NLRP8: variants seen among roughly 807,000 people sequenced by gnomAD.
NLRP8 encodes the protein NACHT, LRR and PYD domains-containing protein 8.
NLRP8 carries 86 observed loss-of-function variants against 88.7 expected under a neutral mutation model. That is an observed-to-expected ratio of 0.97 (90% CI 0.81 to 1.16). The LOEUF is 1.16. NLRP8 is among the 50% of genes most tolerant of loss of function. The probability of loss-of-function intolerance (pLI) is 0.00; values close to 1 mark genes in which losing one functional copy is unlikely to be tolerated. For missense variants in NLRP8, 1,342 were observed against 1,286.5 expected (o/e 1.04, Z -0.66); for synonymous variants, 504 against 494.6 (o/e 1.02, Z -0.25).
At chr19:55,980,539 G>A (rs953804975) in intron 9 of NLRP8, among the ~76,000 whole-genome samples, 6 of 152,186 alleles carry the variant, frequency 3.9e-5, no homozygotes, top group Non-Finnish European at 7.3e-5. Flanking sequence ...GGGGTTTGAT[G>A]AGGGCTGTTG....
rs377367824 is a variant in NLRP8 at position 55,966,322 on chromosome 19, G to A, written c.2323G>A (p.Ala775Thr). The A allele has an allele frequency of 5.8e-5, 94 of 1,614,028 alleles. No individual in the cohort carries two copies. The highest frequency in any genetic ancestry group is 3.3e-4 in the Middle Eastern group (2 of 6,084). ...ACAACATGTGGAAGTGGAGTCCAAA[G>A]CTGTGAAGCTTCTATGCAGGGTGCT... The change falls in exon 5 of 10, where the codon GCT becomes ACT. Residue 775 changes from alanine (A) to threonine (T), a missense_variant. Transcript: ENST00000291971.
chr19:55,965,788 A>G (rs1470672181), intron 4 of NLRP8, among the ~76,000 whole-genome samples: 5 of 151,874 alleles, frequency 3.3e-5, no homozygotes, highest in Non-Finnish European at 7.4e-5. Context: ...TATTTCTCCT[A>G]ATGCTATCCC....
intron 3 of NLRP8, among the ~76,000 whole-genome samples, chr19:55,961,713 G>A (rs1360236039): frequency 6.6e-6 from 1 of 152,182 alleles, no homozygotes; most frequent in African/African-American, 2.4e-5. Flanking sequence ...GAAGTGGATT[G>A]CCTGAGCCTG....
chr19:55,964,930 A>G (rs1231401770), intron 4 of NLRP8, among the ~76,000 whole-genome samples: 1 of 152,110 alleles, frequency 6.6e-6, no homozygotes. Flanking sequence ...AGAAAGAAAG[A>G]GATTCAGCAG....
chr19:55,953,382 G>A (rs948169482), intron 2 of NLRP8, among the ~76,000 whole-genome samples: 2 of 152,042 alleles, frequency 1.3e-5, no homozygotes, highest in Non-Finnish European at 2.9e-5. Context: ...CACAATAAAC[G>A]TAATGCACTT....
At chr19:55,966,885 C>G (rs1197142412) in intron 5 of NLRP8, among the ~76,000 whole-genome samples, 2 of 152,040 alleles carry the variant, frequency 1.3e-5, no homozygotes, top group African/African-American at 4.8e-5. Context: ...AATCTGAGCC[C>G]CAGCTCCTAC....
At chr19:55,958,820 G>A (rs1185943295) in intron 3 of NLRP8, among the ~76,000 whole-genome samples, 5 of 152,054 alleles carry the variant, frequency 3.3e-5, no homozygotes, top group African/African-American at 1.2e-4. Context: ...CAAAGTGCGG[G>A]GATTACAGGT....
chr19:55,962,127 G>C lies in NLRP8; in HGVS notation c.2103G>C (p.Thr701=). The change falls in exon 4 of 10, where the codon ACG becomes ACC. Residue 701 remains threonine (T), a synonymous_variant. Coordinates refer to ENST00000291971, the MANE Select transcript of NLRP8 (RefSeq NM_176811.2). Reference sequence around the variant, plus strand: ...AAGACTTATGCTCTGTGTTTGCAACGAATGATAAGCTGGAAGTCCTGACTA... The same window carrying C: ...AAGACTTATGCTCTGTGTTTGCAACCAATGATAAGCTGGAAGTCCTGACTA... 18 of 1,614,202 alleles carry C rather than the reference G, an allele frequency of 1.1e-5. No individual in the cohort carries two copies. Among genetic ancestry groups the C allele is most frequent in the Non-Finnish European group, 1.5e-5 (18 of 1,180,030 alleles).
chr19:55,950,576 C>G (rs980501425), intron 1 of NLRP8, among the ~76,000 whole-genome samples: 1 of 152,190 alleles, frequency 6.6e-6, no homozygotes, highest in African/African-American at 2.4e-5. Flanking sequence ...TCCCAGACAG[C>G]AACGCAGCAA....
chr19:55,984,508 GC>G (rs1980716521), intron 9 of NLRP8, among the ~76,000 whole-genome samples: 1 of 150,762 alleles, frequency 6.6e-6, no homozygotes, highest in Admixed American at 6.7e-5. Flanking sequence ...TACAAAATTA[GC>G]CAGGCGTGGT....
In NLRP8 at chr19:55,988,055, C is replaced by CT. The variant is rs774349440; in HGVS notation, c.*145dup. ...CCCAGTCAACACCACAGAACCTCAG[C>CT]TTTGAACCCTGGAGTGAGGACGGTG... On this transcript the variant is annotated 3_prime_UTR_variant, in exon 10 of 10. Transcript: ENST00000291971. 20 of 649,530 alleles carry CT rather than the reference C, an allele frequency of 3.1e-5. No homozygotes were observed. The highest frequency in any genetic ancestry group is 1.7e-4 in the East Asian group (6 of 35,266). 40.2% of individuals were successfully genotyped at this position (649,530 alleles called of 1,614,324 possible).
intron 4 of NLRP8, among the ~76,000 whole-genome samples, chr19:55,965,582 G>T (rs555309400): frequency 4.6e-5 from 7 of 152,246 alleles, no homozygotes; most frequent in Admixed American, 2.0e-4. Context: ...ATAGGATGAC[G>T]TTCCCTTTGC....
chr19:55,979,504 A>C lies in NLRP8; in HGVS notation c.2987A>C (p.Tyr996Ser), dbSNP rs535685641. The C allele has an allele frequency of 1.9e-6, 3 of 1,614,108 alleles. No homozygotes were observed. Among genetic ancestry groups the C allele is most frequent in the Admixed American group, 1.7e-5 (1 of 60,004 alleles). ...TTGAGCAAGAATGCGATTGGAGTCT[A>C]TGGTATTCTGACCTTGTGCGAGGCC... The change falls in exon 9 of 10, where the codon TAT becomes TCT. Residue 996 changes from tyrosine to serine, a missense_variant. By Grantham distance (144) the Tyr-to-Ser change is moderately radical (BLOSUM62 -2). Coordinates refer to ENST00000291971, the MANE Select transcript of NLRP8 (RefSeq NM_176811.2).
intron 9 of NLRP8, among the ~76,000 whole-genome samples, chr19:55,984,874 A>C (rs1980737267): frequency 6.6e-6 from 1 of 152,182 alleles, no homozygotes; most frequent in South Asian, 2.1e-4. Context: ...AAATGGAGAA[A>C]TATACAAACT....
At chr19:55,952,727 A>G in intron 2 of NLRP8, 115 bp downstream of exon 2, 3 of 768,348 alleles carry the variant, frequency 3.9e-6, no homozygotes, top group Non-Finnish European at 6.6e-6. Flanking sequence ...TGTTTCTTCT[A>G]CAATCAGAAC....
At chr19:55,964,811 C>T (rs573096057) in intron 4 of NLRP8, among the ~76,000 whole-genome samples, 4 of 151,450 alleles carry the variant, frequency 2.6e-5, no homozygotes, top group African/African-American at 7.3e-5. Flanking sequence ...GATGGCATCA[C>T]GAATATATGC....
In NLRP8 at chr19:55,947,839, G is replaced by T; in HGVS notation, c.-64G>T. On this transcript the variant is annotated 5_prime_UTR_variant, in exon 1 of 10. Transcript: ENST00000291971. The stretch of plus-strand genomic sequence containing the variant: ...TGTTTTATGTCTCTGCAGGTCTCGT[G>T]TTTCTCTCTTCCAATCGGTTGTCTT... 1 of 1,525,768 alleles carries T rather than the reference G, an allele frequency of 6.6e-7. No individual in the cohort carries two copies. The allele number at this position is 1,525,768 out of a possible 1,614,324, so 94.5% of individuals were successfully genotyped here. A position where few individuals can be genotyped will look rare whatever the true frequency, so the allele number is the denominator to read the frequency against.
intron 3 of NLRP8, among the ~76,000 whole-genome samples, chr19:55,958,899 G>A (rs1979491822): frequency 6.6e-6 from 1 of 151,264 alleles, no homozygotes; most frequent in Admixed American, 6.6e-5. Flanking sequence ...TTTGTTTTGA[G>A]ACGGAGTCTC....
chr19:55,961,846 T>C (rs531733266), intron 3 of NLRP8, among the ~76,000 whole-genome samples: 2 of 152,136 alleles, frequency 1.3e-5, no homozygotes, highest in Non-Finnish European at 2.9e-5. Flanking sequence ...TTCCAAGTCA[T>C]GGGAAAATAC....
Sources: gnomAD v4.1 joint callset for allele counts (sites outside exome capture counted in the v4.1 genomes callset) on GRCh38, gnomAD v4.1.1 for gene constraint, MANE v1.5 for transcripts, NCBI Gene and HGNC (gene_info 2026-07-23, HGNC 2026-07-21) for gene names.